The following STK32B variants were observed in gnomAD, a reference collection of about 807,000 sequenced individuals.
The protein encoded by STK32B is serine/threonine-protein kinase 32B.
A neutral mutation model predicts 52.6 loss-of-function variants in STK32B; 43 were observed. The ratio of observed to expected loss-of-function variants is 0.82; its 90% CI spans 0.64 to 1.05. STK32B has a LOEUF of 1.05. Among genes scored for constraint, STK32B ranks in the 50% least tolerant of loss-of-function variants. The pLI, the probability that STK32B is intolerant of heterozygous loss-of-function variation, is 0.00. For synonymous variants in STK32B, 238 were observed against 204.3 expected (o/e 1.17, Z -1.41); for missense variants, 621 against 534.6 (o/e 1.16, Z -1.59).
chr4:5,446,859 G>C, intron 7 of STK32B, 83 bp downstream of exon 7: 1 of 1,398,402 alleles, frequency 7.2e-7, no homozygotes, highest in Non-Finnish European at 1.0e-6. Context: ...AGTCGGCAGG[G>C]CCCGCGGTGC....
At chr4:5,424,384 A>G (rs1054070902) in intron 6 of STK32B, among the ~76,000 whole-genome samples, 3 of 152,160 alleles carry the variant, frequency 2.0e-5, no homozygotes, top group African/African-American at 7.2e-5. Flanking sequence ...GGGCTGGGTC[A>G]CCAGTTCCAC....
intron 11 of STK32B, among the ~76,000 whole-genome samples, chr4:5,486,812 G>C (rs1719258959): frequency 6.6e-6 from 1 of 152,186 alleles, no homozygotes; most frequent in South Asian, 2.1e-4. Flanking sequence ...CAGATTGGCT[G>C]GTCTTTAAGT....
intron 6 of STK32B, among the ~76,000 whole-genome samples, chr4:5,432,620 T>C (rs983038962): frequency 1.3e-5 from 2 of 152,294 alleles, no homozygotes; most frequent in Non-Finnish European, 1.5e-5. Flanking sequence ...ATTCAAAATA[T>C]AGTATATCCT....
chr4:5,299,895 A>G (rs563626181), intron 3 of STK32B, among the ~76,000 whole-genome samples: 1 of 152,318 alleles, frequency 6.6e-6, no homozygotes, highest in African/African-American at 2.4e-5. Flanking sequence ...CACTGAAACT[A>G]TTCCAAAAAT....
intron 4 of STK32B, among the ~76,000 whole-genome samples, chr4:5,355,451 C>G (rs542473370): frequency 3.3e-5 from 5 of 152,286 alleles, no homozygotes; most frequent in Middle Eastern, 3.4e-3. Context: ...ATGATTATCT[C>G]TCTTTAAGAA....
chr4:5,175,130 G>A (rs190294757), intron 3 of STK32B, among the ~76,000 whole-genome samples: 2,317 of 152,136 alleles, frequency 0.015, 59 homozygotes, highest in African/African-American at 0.053. Flanking sequence ...CGTAGTTCTC[G>A]TGCCGTGGTT....
chr4:5,232,237 C>T (rs1577221689), intron 3 of STK32B, among the ~76,000 whole-genome samples: 1 of 152,218 alleles, frequency 6.6e-6, no homozygotes, highest in East Asian at 1.9e-4. Context: ...TATTAGATAA[C>T]ATTATTGAAA....
intron 4 of STK32B, among the ~76,000 whole-genome samples, chr4:5,384,382 G>A (rs2887542): frequency 0.045 from 6,891 of 152,086 alleles, 428 homozygotes; most frequent in Admixed American, 0.18. Flanking sequence ...GTAGTCAATG[G>A]TGACACCGAG....
chr4:5,056,804 A>T (rs1560129211), intron 1 of STK32B, among the ~76,000 whole-genome samples: 1 of 152,222 alleles, frequency 6.6e-6, no homozygotes, highest in Admixed American at 6.5e-5. Context: ...GGGTAGAGTC[A>T]GCTCCACTTG....
chr4:5,354,298 C>T (rs983873928), intron 4 of STK32B, among the ~76,000 whole-genome samples: 3 of 152,214 alleles, frequency 2.0e-5, no homozygotes, highest in African/African-American at 7.2e-5. Context: ...TGGAGTCTCA[C>T]TCTGTGGCCC....
intron 4 of STK32B, among the ~76,000 whole-genome samples, chr4:5,345,159 A>T (rs773818191): frequency 6.6e-6 from 1 of 151,926 alleles, no homozygotes; most frequent in Non-Finnish European, 1.5e-5. Context: ...CATCTTATTG[A>T]ATTCAATAAG....
intron 3 of STK32B, among the ~76,000 whole-genome samples, chr4:5,328,468 A>G (rs1245514875): frequency 6.6e-6 from 1 of 152,158 alleles, no homozygotes; most frequent in Non-Finnish European, 1.5e-5. Context: ...CAATATTGTT[A>G]TGCCTCAGGG....
chr4:5,123,158 A>G (rs1390356701), intron 1 of STK32B, among the ~76,000 whole-genome samples: 2 of 151,988 alleles, frequency 1.3e-5, no homozygotes, highest in African/African-American at 4.8e-5. Flanking sequence ...CTTGCTGTCC[A>G]TGTGTCACTC....
At chr4:5,129,637 G>A (rs958048867) in intron 1 of STK32B, among the ~76,000 whole-genome samples, 2 of 152,074 alleles carry the variant, frequency 1.3e-5, no homozygotes, top group African/African-American at 2.4e-5. Context: ...ATGTGAACAC[G>A]AACTTGAGAG....
At chr4:5,099,014 G>A (rs543600166) in intron 1 of STK32B, among the ~76,000 whole-genome samples, 29 of 152,302 alleles carry the variant, frequency 1.9e-4, no homozygotes, top group Admixed American at 1.8e-3. Flanking sequence ...GATGTCTACA[G>A]TGTGTTTCAC....
chr4:5,274,166 C>G (rs896463668), intron 3 of STK32B, among the ~76,000 whole-genome samples: 2 of 151,894 alleles, frequency 1.3e-5, no homozygotes, highest in African/African-American at 4.8e-5. Flanking sequence ...TGCAAAAGAC[C>G]TGGAATAGCT....
intron 1 of STK32B, among the ~76,000 whole-genome samples, chr4:5,053,456 T>C (rs1319253823): frequency 6.6e-6 from 1 of 152,178 alleles, no homozygotes; most frequent in Non-Finnish European, 1.5e-5. Context: ...CTAGCCTGGG[T>C]CAAAGGTCAT....
chr4:5,248,007 C>G (rs1377334897), intron 3 of STK32B, among the ~76,000 whole-genome samples: 10 of 152,276 alleles, frequency 6.6e-5, no homozygotes, highest in Admixed American at 5.2e-4. Flanking sequence ...TTAGCTTCAG[C>G]TTACCACTCT....
rs536236863 is a variant in STK32B, at chr4:5,484,537, T to C, written c.1107-14408T>C. ...AGCACACGGATAGGTCTTGACTCTT[T>C]ATCCAGTTTGCCAGTCTGTCTCTTT... On this transcript the variant is annotated intron_variant, in intron 11 of 11. Coordinates refer to ENST00000282908, the MANE Select transcript of STK32B (RefSeq NM_018401.3). 3.3e-5 allele frequency among the ~76,000 whole-genome samples: 5 copies of C among 152,322 alleles called. No individual in the cohort carries two copies. The East Asian group carries it at 7.7e-4, about 24-fold the overall frequency.
Sources: gnomAD v4.1 joint callset for allele counts (sites outside exome capture counted in the v4.1 genomes callset) on GRCh38, gnomAD v4.1.1 for gene constraint, MANE v1.5 for transcripts, NCBI Gene and HGNC (gene_info 2026-07-23, HGNC 2026-07-21) for gene names.